SULF1: variants seen among roughly 807,000 people sequenced by gnomAD.
SULF1 encodes sulfatase 1, also known as extracellular sulfatase Sulf-1.
In SULF1, 46 loss-of-function variants were observed where a neutral mutation model predicts 110.5. The observed-to-expected ratio is 0.42, with a 90% CI of 0.33 to 0.53. SULF1 has a LOEUF of 0.53. Ranked by LOEUF, SULF1 falls within the 20% of genes least tolerant of loss-of-function variation. The probability of loss-of-function intolerance (pLI) is 0.12; values close to 1 mark genes in which losing one functional copy is unlikely to be tolerated. For missense variants in SULF1, 941 were observed against 1,094.2 expected (o/e 0.86, Z 1.98); for synonymous variants, 371 against 387.1 (o/e 0.96, Z 0.49).
rs1367198966 is a variant in SULF1 at position 69,629,641 on chromosome 8, A to G, written c.2246A>G (p.His749Arg). The change falls in exon 19 of 23, where the codon CAT (histidine) becomes CGT (arginine). Residue 749 changes from histidine to arginine, a missense_variant. His to Arg is a conservative substitution (Grantham distance 29). This residue lies in a region of SULF1 where 7 missense variants were observed against 26.3 expected (regional missense o/e 0.27). Transcript: ENST00000402687. ...CTGCCTGGCCTCACTTGCTTCACGC[A>G]TGACAACAACCACTGGCAGACAGCC... ...CSLPGLTCFT[H>R]DNNHWQTAPF... The G allele has an allele frequency of 1.2e-6, 2 of 1,612,662 alleles. No homozygotes were observed. The highest frequency in any genetic ancestry group is 1.7e-6 in the Non-Finnish European group (2 of 1,179,374).
chr8:69,520,112 TACACACACACACACACACACAC>T (rs34036903), intron 3 of SULF1, among the ~76,000 whole-genome samples: 51 of 137,138 alleles, frequency 3.7e-4, no homozygotes, highest in African/African-American at 1.3e-3. Context: ...AAATTCCAGT[TACACACACACACACACACACAC>T]ACACACACAC....
chr8:69,616,778 C>A (rs1400042726), intron 13 of SULF1, among the ~76,000 whole-genome samples: 1 of 151,018 alleles, frequency 6.6e-6, no homozygotes, highest in Non-Finnish European at 1.5e-5. Context: ...GTCTTGAACC[C>A]CTGACCTCAG....
chr8:69,590,618 G>C (rs966617505), intron 8 of SULF1, among the ~76,000 whole-genome samples: 1 of 152,212 alleles, frequency 6.6e-6, no homozygotes, highest in Non-Finnish European at 1.5e-5. Flanking sequence ...TATGAAGCCA[G>C]GGTGGGTTAC....
chr8:69,658,982 C>T lies in SULF1; in HGVS notation c.*447C>T, dbSNP rs1017514602. 1.7e-5 allele frequency: 8 copies of T among 457,526 alleles called. No individual in the cohort carries two copies. Among genetic ancestry groups the T allele is most frequent in the Middle Eastern group, 3.2e-4 (1 of 3,100 alleles). The allele number at this position is 457,526 out of a possible 1,614,324, so 28.3% of individuals were successfully genotyped here. A position where few individuals can be genotyped will look rare whatever the true frequency, so the allele number is the denominator to read the frequency against. On this transcript the variant is annotated 3_prime_UTR_variant, in exon 23 of 23. Coordinates refer to ENST00000402687, the MANE Select transcript of SULF1 (RefSeq NM_001128205.2). ...CACTGGAGAAAAACCGAAAAATGGA[C>T]GGGGCATGAAGAGACTAATCATCTG... is the stretch of plus-strand genomic sequence containing the variant.
intron 19 of SULF1, among the ~76,000 whole-genome samples, chr8:69,634,577 TG>T: frequency 6.6e-6 from 1 of 152,220 alleles, no homozygotes; most frequent in Non-Finnish European, 1.5e-5. Flanking sequence ...AAGACCAGCC[TG>T]GGCAACATGG....
chr8:69,594,044 T>C (rs1186364804), intron 8 of SULF1, among the ~76,000 whole-genome samples: 1 of 151,936 alleles, frequency 6.6e-6, no homozygotes, highest in Non-Finnish European at 1.5e-5. Context: ...AAATTTGTTG[T>C]TGTTATTCCA....
chr8:69,636,388 T>A (rs1196099545), intron 19 of SULF1, among the ~76,000 whole-genome samples: 1 of 151,854 alleles, frequency 6.6e-6, no homozygotes, highest in Non-Finnish European at 1.5e-5. Flanking sequence ...TACAAAAAAA[T>A]TAACTGGGGG....
intron 3 of SULF1, among the ~76,000 whole-genome samples, chr8:69,561,382 C>G (rs1815475555): frequency 6.6e-6 from 1 of 152,184 alleles, no homozygotes; most frequent in South Asian, 2.1e-4. Flanking sequence ...AAACCACTCT[C>G]TCTTTTCCAT....
intron 1 of SULF1, among the ~76,000 whole-genome samples, chr8:69,494,217 A>G (rs1313546167): frequency 6.6e-6 from 1 of 152,250 alleles, no homozygotes; most frequent in Non-Finnish European, 1.5e-5. Context: ...CTTTACCTCT[A>G]GATGAATAGA....
At chr8:69,650,881 G>T (rs78368004) in intron 22 of SULF1, among the ~76,000 whole-genome samples, 7,705 of 151,970 alleles carry the variant, frequency 0.051, 681 homozygotes, top group African/African-American at 0.18. Flanking sequence ...TTTGGAAACA[G>T]CCATTTCTCC....
intron 10 of SULF1, 46 bp downstream of exon 10, chr8:69,601,875 G>T (rs766704655): frequency 6.5e-7 from 1 of 1,545,978 alleles, no homozygotes; most frequent in Non-Finnish European, 8.8e-7. Flanking sequence ...TACCTCAAGT[G>T]TGTCTAAGAT....
intron 5 of SULF1, among the ~76,000 whole-genome samples, chr8:69,573,616 A>G (rs1385343727): frequency 3.3e-5 from 5 of 152,158 alleles, no homozygotes; most frequent in Non-Finnish European, 7.4e-5. Context: ...CCCAAAATCA[A>G]GATACTCAGT....
chr8:69,636,637 C>T (rs182893627), intron 19 of SULF1, among the ~76,000 whole-genome samples: 23 of 152,138 alleles, frequency 1.5e-4, no homozygotes, highest in African/African-American at 5.3e-4. Flanking sequence ...AGAAAGTTGT[C>T]GAGATGCTTG....
chr8:69,595,342 A>G (rs1807222941), intron 8 of SULF1, among the ~76,000 whole-genome samples: 1 of 152,222 alleles, frequency 6.6e-6, no homozygotes, highest in Non-Finnish European at 1.5e-5. Flanking sequence ...AGCTATGAAC[A>G]ATTCTATCCA....
Position 69,627,220 on chromosome 8 carries a change from C to A in SULF1, c.1861C>A (p.Leu621Ile). 1 of 1,613,802 alleles carries A rather than the reference C, an allele frequency of 6.2e-7. No homozygotes were observed. The highest frequency in any genetic ancestry group is 8.5e-7 in the Non-Finnish European group (1 of 1,179,748). The change falls in exon 16 of 23, where the codon CTT becomes ATT. Residue 621 changes from leucine (L) to isoleucine (I), a missense_variant. By Grantham distance (5) the Leu-to-Ile change is conservative. This residue lies in a region of SULF1 where 822 missense variants were observed against 934.3 expected (regional missense o/e 0.88). Transcript: ENST00000402687. ...TGGTTTGTTTTGCAGGTGTTTTATT[C>A]TTCCCAATGACTCTATCCATTGTGA... ...TVRVTHKCFI[L>I]PNDSIHCERE...
chr8:69,488,919 G>A (rs1586207726), upstream of SULF1, among the ~76,000 whole-genome samples: 1 of 152,212 alleles, frequency 6.6e-6, no homozygotes, highest in South Asian at 2.1e-4. Context: ...GGTGTAATTG[G>A]CTTGTTTGAA....
intron 5 of SULF1, 83 bp downstream of exon 5, chr8:69,564,230 G>C: frequency 6.6e-7 from 1 of 1,515,194 alleles, no homozygotes. Flanking sequence ...GACATTCTGA[G>C]GCTTTGCACT....
intron 6 of SULF1, among the ~76,000 whole-genome samples, chr8:69,581,564 AT>A (rs1304840912): frequency 1.2e-4 from 19 of 152,360 alleles, no homozygotes; most frequent in Middle Eastern, 6.8e-3. Context: ...TAAATGGCAC[AT>A]TAGTGATGTA....
upstream of SULF1, among the ~76,000 whole-genome samples, chr8:69,491,753 T>C (rs966883687): frequency 6.6e-6 from 1 of 152,176 alleles, no homozygotes; most frequent in Middle Eastern, 3.2e-3. Context: ...TTTCATTCAG[T>C]GAATACTCAC....
Sources: gnomAD v4.1 joint callset for allele counts (sites outside exome capture counted in the v4.1 genomes callset) on GRCh38, gnomAD v4.1.1 for gene constraint, gnomAD v4.1.1 regional missense constraint, MANE v1.5 for transcripts, NCBI Gene and HGNC (gene_info 2026-07-23, HGNC 2026-07-21) for gene names.